The following WIPI2 variants were observed in gnomAD, a reference collection of about 807,000 sequenced individuals.
WIPI2 encodes the protein WD repeat domain, phosphoinositide interacting 2, also known as WD repeat domain phosphoinositide-interacting protein 2.
WIPI2 carries 28 observed loss-of-function variants against 52.3 expected under a neutral mutation model. The ratio of observed to expected loss-of-function variants is 0.54; its 90% confidence interval spans 0.40 to 0.73. WIPI2 has a LOEUF of 0.73. Ranked by LOEUF, WIPI2 falls within the 30% of genes least tolerant of loss-of-function variation. The probability of loss-of-function intolerance (pLI) is 0.00; values close to 1 mark genes in which losing one functional copy is unlikely to be tolerated. For synonymous variants in WIPI2, 268 were observed against 245.0 expected, an observed-to-expected ratio of 1.09 and a Z score of -0.88; for missense variants, 506 against 602.9, an observed-to-expected ratio of 0.84 and a Z score of 1.68.
chr7:5,211,852 T>G (rs1782577254), intron 3 of WIPI2, among the ~76,000 whole-genome samples: 1 of 152,162 alleles, frequency 6.6e-6, no homozygotes, highest in South Asian at 2.1e-4. Flanking sequence ...ATTGTTAAAC[T>G]CGCCTTCCTG....
At chr7:5,212,634 G>A (rs1782612817) in intron 3 of WIPI2, among the ~76,000 whole-genome samples, 1 of 152,126 alleles carries the variant, frequency 6.6e-6, no homozygotes, top group Non-Finnish European at 1.5e-5. Flanking sequence ...CCTGGGATCA[G>A]GCACTCTTCC....
chr7:5,218,798 G>A (rs372784610), intron 7 of WIPI2: 115 of 152,160 alleles, frequency 7.6e-4, no homozygotes, highest in African/African-American at 2.6e-3. Flanking sequence ...CTCTCTTTTC[G>A]TTTCAGTTCC....
At chr7:5,212,185 A>G (rs530062398) in intron 3 of WIPI2, among the ~76,000 whole-genome samples, 2 of 152,168 alleles carry the variant, frequency 1.3e-5, no homozygotes, top group African/African-American at 2.4e-5. Context: ...GACAGGCGAC[A>G]TTAGACCTGG....
intron 7 of WIPI2, 48 bp from the exon 8 acceptor site, chr7:5,222,554 C>G (rs761883433): frequency 1.3e-6 from 2 of 1,575,972 alleles, no homozygotes; most frequent in Non-Finnish European, 1.7e-6. Flanking sequence ...ATGGGAAATT[C>G]CTGTTTTAAC....
At position 5,193,170 on chromosome 7, in the gene WIPI2, T is replaced by C; in HGVS notation, c.127T>C (p.Trp43Arg). The stretch of plus-strand genomic sequence containing the variant: ...TGGTCTTGGCCGTCGCGCTGTTGTC[T>C]GGTTAGTTCCAACCCTGGTTTCTGA... The part of the protein sequence containing the change: ...AAGLGRRAVV[W>R]SLAVGSKSGY... The change falls in exon 2 of 13, where the codon TGG becomes CGG. Residue 43 changes from tryptophan (W) to arginine (R), a missense_variant and splice_region_variant. By Grantham distance (101) the Trp-to-Arg change is moderately radical (BLOSUM62 -3). This residue lies in a region of WIPI2 where 60 missense variants were observed against 49.7 expected (regional missense o/e 1.21). Coordinates refer to ENST00000288828, the MANE Select transcript of WIPI2 (RefSeq NM_015610.4). 6.2e-7 allele frequency: 1 copy of C among 1,613,530 alleles called. No homozygotes were observed. Among genetic ancestry groups the C allele is most frequent in the Non-Finnish European group, 8.5e-7 (1 of 1,179,996 alleles).
rs889720654 is a variant in WIPI2, at chr7:5,233,020, C to T, written c.*2073C>T. ...GAGGCCTCGGACGTCCTGTGACCCTCGGCCCACACTCCCCCTTGGGTGGCC... is the reference window on the plus strand; with the variant it reads ...GAGGCCTCGGACGTCCTGTGACCCTTGGCCCACACTCCCCCTTGGGTGGCC... On this transcript the variant is annotated 3_prime_UTR_variant, in exon 13 of 13. Transcript: ENST00000288828. 5.9e-5 allele frequency: 9 copies of T among 152,442 alleles called. No individual in the cohort carries two copies. The South Asian group carries it at 6.2e-4, about 11-fold the overall frequency. 9.4% of individuals were successfully genotyped at this position (152,442 alleles called of 1,614,324 possible).
chr7:5,221,670 A>C (rs899282304), intron 7 of WIPI2, among the ~76,000 whole-genome samples: 3 of 152,184 alleles, frequency 2.0e-5, no homozygotes, highest in Admixed American at 2.0e-4. Flanking sequence ...TCTGATATTA[A>C]CTTGGGGGAA....
chr7:5,208,079 T>C (rs1178334620), intron 3 of WIPI2, among the ~76,000 whole-genome samples: 1 of 152,168 alleles, frequency 6.6e-6, no homozygotes, highest in African/African-American at 2.4e-5. Flanking sequence ...TCACCAACTT[T>C]TGATATTACT....
chr7:5,227,229 A>G lies in WIPI2; in HGVS notation c.898A>G (p.Met300Val), dbSNP rs760747400. The change falls in exon 10 of 13, where the codon ATG (methionine) becomes GTG (valine). Residue 300 changes from methionine (M) to valine (V), a missense_variant. Transcript: ENST00000288828. The surrounding 1 kb of genome is among the most constrained non-coding windows in gnomAD (Gnocchi z 8.1). ...TWTGYFGKVLMASTSYLPSQV... is the reference protein window; with the variant it reads ...TWTGYFGKVLVASTSYLPSQV... ...GACCGGGTACTTCGGGAAAGTGCTCATGGCCTCCACCAGCTACCTGCCTTC... is the reference window on the plus strand; with the variant it reads ...GACCGGGTACTTCGGGAAAGTGCTCGTGGCCTCCACCAGCTACCTGCCTTC... 1.2e-6 allele frequency: 2 copies of G among 1,614,066 alleles called. No homozygotes were observed. The highest frequency in any genetic ancestry group is 1.7e-5 in the Admixed American group (1 of 60,028).
In WIPI2 at chr7:5,233,414, T is replaced by C. The variant is rs1194178450; in HGVS notation, c.*2467T>C. 6.6e-6 allele frequency: 1 copy of C among 152,248 alleles called. No individual in the cohort carries two copies. Among genetic ancestry groups the C allele is most frequent in the Non-Finnish European group, 1.5e-5 (1 of 68,040 alleles). 9.4% of individuals were successfully genotyped at this position (152,248 alleles called of 1,614,324 possible). ...GAGGGACCCTGAACCAAACAGAACG[T>C]GTGCTAATTTTCCGAACTCCAAACT... On this transcript the variant is annotated 3_prime_UTR_variant, in exon 13 of 13. Coordinates refer to ENST00000288828, the MANE Select transcript of WIPI2 (RefSeq NM_015610.4).
chr7:5,200,964 A>G (rs898950675), intron 3 of WIPI2, among the ~76,000 whole-genome samples: 5 of 152,052 alleles, frequency 3.3e-5, no homozygotes, highest in African/African-American at 1.2e-4. Context: ...TTGTCCTTAG[A>G]CTTGCCTGCT....
chr7:5,191,498 G>T (rs972032057), intron 1 of WIPI2, among the ~76,000 whole-genome samples: 20 of 152,164 alleles, frequency 1.3e-4, no homozygotes. Flanking sequence ...GCAAGAGAAG[G>T]CCTTAATGCC....
intron 2 of WIPI2, among the ~76,000 whole-genome samples, chr7:5,196,925 A>G (rs966931514): frequency 6.6e-6 from 1 of 152,010 alleles, no homozygotes; most frequent in African/African-American, 2.4e-5. Context: ...CAGCCTGGCC[A>G]ACATGGTAAA....
rs770580040 is a variant in WIPI2 at position 5,216,608 on chromosome 7, C to G, written c.427C>G (p.Arg143Gly). Residue 143 changes from arginine (R) to glycine (G), a missense_variant, in exon 5 of 13, where the codon CGG (arginine) becomes GGG (glycine). Arg to Gly is a moderately radical substitution (Grantham distance 125, BLOSUM62 -2). Around this residue, in one of 4 missense-constraint regions of WIPI2, gnomAD observed 237 missense variants for 346.9 expected, o/e 0.68. Coordinates refer to ENST00000288828, the MANE Select transcript of WIPI2 (RefSeq NM_015610.4). Reference sequence around the variant, plus strand: ...GGAGTCCCTGTACATCCACAACATTCGGGACATGAAGGTGCTGCATACGAT... The same window carrying G: ...GGAGTCCCTGTACATCCACAACATTGGGGACATGAAGGTGCTGCATACGAT... ...LEESLYIHNI[R>G]DMKVLHTIRE... 6.2e-7 allele frequency: 1 copy of G among 1,614,126 alleles called. No individual in the cohort carries two copies.
chr7:5,230,528 T>C lies in WIPI2; in HGVS notation c.1253-307T>C, dbSNP rs1044086169. ...TGAGAGTCTCCTAGTGTCATTTTTTTTCCTGGTGTTATTTTTGAGCTCTTA... is the reference window on the plus strand; with the variant it reads ...TGAGAGTCTCCTAGTGTCATTTTTTCTCCTGGTGTTATTTTTGAGCTCTTA... On this transcript the variant is annotated intron_variant, in intron 12 of 12. Coordinates refer to ENST00000288828, the MANE Select transcript of WIPI2 (RefSeq NM_015610.4). This position sits in a 1 kb window ranked among gnomAD's most constrained non-coding sequence, Gnocchi z 4.8. Among the ~76,000 whole-genome samples the C allele has an allele frequency of 1.3e-5, 2 of 152,234 alleles. No individual in the cohort carries two copies. Among genetic ancestry groups the C allele is most frequent in the Non-Finnish European group, 2.9e-5 (2 of 68,042 alleles).
At position 5,227,136 on chromosome 7, in the gene WIPI2, C is replaced by G. The variant is rs1037397124; in HGVS notation, c.849-44C>G. The G allele has an allele frequency of 7.8e-5, 126 of 1,610,966 alleles. No homozygotes were observed. Among genetic ancestry groups the G allele is most frequent in the Non-Finnish European group, 9.9e-5 (117 of 1,178,694 alleles). ...TGTGAGTAGGGGGTGGCCGTCCCCCCAGGGAGGGTGCAGCTTCATGTGTCT... is the reference window on the plus strand; with the variant it reads ...TGTGAGTAGGGGGTGGCCGTCCCCCGAGGGAGGGTGCAGCTTCATGTGTCT... On this transcript the variant is annotated intron_variant, in intron 9 of 12. Coordinates refer to ENST00000288828, the MANE Select transcript of WIPI2 (RefSeq NM_015610.4). This position sits in a 1 kb window ranked among gnomAD's most constrained non-coding sequence, Gnocchi z 8.1.
chr7:5,226,101 G>A, intron 9 of WIPI2, 171 bp downstream of exon 9: 1 of 643,006 alleles, frequency 1.6e-6, no homozygotes, highest in Admixed American at 2.4e-5. Context: ...CGGCAGTGAG[G>A]AGGATGGGCC....
intron 3 of WIPI2, among the ~76,000 whole-genome samples, chr7:5,209,063 A>G (rs552047668): frequency 8.1e-6 from 1 of 122,752 alleles, no homozygotes; most frequent in Non-Finnish European, 1.7e-5. Context: ...CTTTTGTAAA[A>G]TTTATTCCTA....
chr7:5,222,215 C>T (rs910607718), intron 7 of WIPI2, among the ~76,000 whole-genome samples: 1 of 152,196 alleles, frequency 6.6e-6, no homozygotes, highest in African/African-American at 2.4e-5. Flanking sequence ...TCCCAAAGTT[C>T]TGGGATTACA....
Sources: gnomAD v4.1 joint callset for allele counts (sites outside exome capture counted in the v4.1 genomes callset) on GRCh38, gnomAD v4.1.1 for gene constraint, gnomAD v4.1.1 regional missense constraint, Gnocchi (gnomAD v3.1) non-coding constraint, MANE v1.5 for transcripts, NCBI Gene and HGNC (gene_info 2026-07-23, HGNC 2026-07-21) for gene names.